DNAH11: variants seen among roughly 807,000 people sequenced by gnomAD.
DNAH11 encodes dynein axonemal heavy chain 11.
In DNAH11, 442 loss-of-function variants were observed where a neutral mutation model predicts 526.0. The observed-to-expected ratio is 0.84, with a 90% CI of 0.78 to 0.91. DNAH11 has a LOEUF of 0.91. Among genes scored for constraint, DNAH11 ranks in the 40% least tolerant of loss-of-function variants. DNAH11 has a pLI of 0.00. For synonymous variants in DNAH11, 2,461 were observed against 1,935.9 expected, an observed-to-expected ratio of 1.27 and a Z score of -7.12; for missense variants, 6,989 against 5,448.7, an observed-to-expected ratio of 1.28 and a Z score of -8.90.
intron 63 of DNAH11, among the ~76,000 whole-genome samples, chr7:21,813,592 G>A (rs1789628603): frequency 6.6e-6 from 1 of 152,136 alleles, no homozygotes; most frequent in African/African-American, 2.4e-5. Context: ...AGTTTTTAGA[G>A]GCCAGATGGG....
chr7:21,621,501 C>T lies in DNAH11; in HGVS notation c.4500+1423C>T, dbSNP rs1016413534. On this transcript the variant is annotated intron_variant, in intron 25 of 81. Transcript: ENST00000409508. Reference sequence around the variant, plus strand: ...GCCAGCATCATCCTGATACCAAAGCCGGGCAGAGACACAACCAAAAAAGAG... The same window carrying T: ...GCCAGCATCATCCTGATACCAAAGCTGGGCAGAGACACAACCAAAAAAGAG... Among the ~76,000 whole-genome samples, 29 of 152,162 alleles carry T rather than the reference C, an allele frequency of 1.9e-4. 1 individual carries two copies. The highest frequency in any genetic ancestry group is 6.8e-3 in the Middle Eastern group (2 of 294).
At chr7:21,585,351 AG>A (rs1784446813) in intron 9 of DNAH11, among the ~76,000 whole-genome samples, 1 of 152,152 alleles carries the variant, frequency 6.6e-6, no homozygotes, top group Non-Finnish European at 1.5e-5. Context: ...AAAAATTACA[AG>A]GCTGTGTACT....
intron 21 of DNAH11, 37 bp from the exon 22 acceptor site, chr7:21,616,172 A>G (rs1785772592): frequency 6.5e-7 from 1 of 1,533,674 alleles, no homozygotes; most frequent in Non-Finnish European, 9.0e-7. Flanking sequence ...CTTTCACCAA[A>G]TGTTGTTGAC....
rs770221913 is a variant in DNAH11, at chr7:21,543,324, C to G, written c.79C>G (p.Leu27Val). 2.5e-5 allele frequency: 39 copies of G among 1,550,566 alleles called. No individual in the cohort carries two copies. The highest frequency in any genetic ancestry group is 3.4e-5 in the Non-Finnish European group (39 of 1,146,704). Residue 27 changes from leucine to valine, a missense_variant, in exon 1 of 82, where the codon CTG becomes GTG. Coordinates refer to ENST00000409508, the MANE Select transcript of DNAH11 (RefSeq NM_001277115.2). ...CCTTCGCCTAACCTCGGGGGCCGGC[C>G]TGGAGGCAGTGGGCGCTGTGGAGCT... The part of the protein sequence containing the change: ...PTLRLTSGAG[L>V]EAVGAVELEE...
At chr7:21,752,759 C>G (rs1055704671) in intron 54 of DNAH11, among the ~76,000 whole-genome samples, 3 of 152,284 alleles carry the variant, frequency 2.0e-5, no homozygotes, top group Non-Finnish European at 4.4e-5. Context: ...GTTGCCCAGG[C>G]TGGAATGCAA....
intron 65 of DNAH11, among the ~76,000 whole-genome samples, chr7:21,835,652 A>G (rs1781964841): frequency 1.3e-5 from 2 of 152,150 alleles, no homozygotes; most frequent in Non-Finnish European, 2.9e-5. Context: ...CCCACAGCTA[A>G]CATATTAAAC....
At chr7:21,604,509 C>CTCACACCA (rs1235577321) in intron 18 of DNAH11, among the ~76,000 whole-genome samples, 28 of 152,130 alleles carry the variant, frequency 1.8e-4, no homozygotes, top group Non-Finnish European at 3.4e-4. Flanking sequence ...AGCTCACACA[C>CTCACACCA]TCACACCATC....
At chr7:21,683,972 A>C (rs1221077527) in intron 32 of DNAH11, 28 bp downstream of exon 32, 3 of 1,609,640 alleles carry the variant, frequency 1.9e-6, no homozygotes, top group Non-Finnish European at 2.5e-6. Flanking sequence ...CCGTCCAGAT[A>C]GGAAAAACAA....
At position 21,710,627 on chromosome 7, in the gene DNAH11, C is replaced by A. The variant is rs2079131321; in HGVS notation, c.6758C>A (p.Pro2253Gln). ...CAAGCAAATCTTAAGCATGATGGAC[C>A]AAAATGGATAGTCCTGGATGGCGAT... ...REQANLKHDG[P>Q]KWIVLDGDID... The change falls in exon 41 of 82, where the codon CCA becomes CAA. Residue 2253 changes from proline (P) to glutamine (Q), a missense_variant. Physicochemically the swap from Pro to Gln is moderately conservative, Grantham distance 76. Transcript: ENST00000409508. 3.7e-6 allele frequency: 6 copies of A among 1,613,194 alleles called. No individual in the cohort carries two copies. Among genetic ancestry groups the A allele is most frequent in the Non-Finnish European group, 4.2e-6 (5 of 1,179,522 alleles).
intron 67 of DNAH11, among the ~76,000 whole-genome samples, chr7:21,852,974 C>A (rs952314900): frequency 1.3e-5 from 2 of 152,200 alleles, no homozygotes; most frequent in Admixed American, 6.5e-5. Flanking sequence ...TCATATCCTA[C>A]AGTTTCTCTG....
At chr7:21,561,045 GTTC>G (rs770265656) in intron 4 of DNAH11, 23 bp from the exon 5 acceptor site, 44 of 1,478,384 alleles carry the variant, frequency 3.0e-5, no homozygotes, top group East Asian at 4.8e-5. Context: ...ATTTATTAAA[GTTC>G]TTCTTTTTTT....
At chr7:21,547,472 T>C (rs1782848291) in intron 2 of DNAH11, among the ~76,000 whole-genome samples, 1 of 152,228 alleles carries the variant, frequency 6.6e-6, no homozygotes, top group African/African-American at 2.4e-5. Context: ...CTTCCTAGCA[T>C]GTAAGCCCCT....
chr7:21,687,595 T>A (rs1783435874), intron 34 of DNAH11, 68 bp downstream of exon 34: 1 of 1,533,586 alleles, frequency 6.5e-7, no homozygotes, highest in Non-Finnish European at 8.8e-7. Flanking sequence ...TAACCTCCCC[T>A]TCACTGTCTA....
At chr7:21,872,231 G>T (rs1783531253) in intron 73 of DNAH11, among the ~76,000 whole-genome samples, 1 of 151,392 alleles carries the variant, frequency 6.6e-6, no homozygotes, top group Non-Finnish European at 1.5e-5. Context: ...AGATGCTGGG[G>T]GTTAAGACTT....
intron 55 of DNAH11, among the ~76,000 whole-genome samples, chr7:21,767,650 C>T (rs1358350293): frequency 6.6e-6 from 1 of 152,160 alleles, no homozygotes; most frequent in Non-Finnish European, 1.5e-5. Flanking sequence ...GATTTCATTT[C>T]AGTGCAAGCT....
intron 30 of DNAH11, among the ~76,000 whole-genome samples, chr7:21,671,268 A>G (rs1782632262): frequency 6.6e-6 from 1 of 152,230 alleles, no homozygotes; most frequent in Non-Finnish European, 1.5e-5. Context: ...GCAAATTACA[A>G]ACCTCTGGCC....
Position 21,637,640 on chromosome 7 carries a change from A to G in DNAH11, c.4755A>G (p.Glu1585=). The G allele has an allele frequency of 6.3e-7, 1 of 1,590,132 alleles. No individual in the cohort carries two copies. The part of the protein sequence containing the change: ...KELMFKTAKV[E]NVLEATCRPN... ...TAATGTTCAAGACAGCCAAAGTAGA[A>G]AATGTGTTAGAAGCAACGTGCAGAC... The change falls in exon 27 of 82, where the codon GAA becomes GAG. Residue 1585 remains glutamate (E), a synonymous_variant. Transcript: ENST00000409508.
chr7:21,563,611 C>T (rs1012325496), intron 5 of DNAH11, among the ~76,000 whole-genome samples: 2 of 152,124 alleles, frequency 1.3e-5, no homozygotes, highest in Admixed American at 6.6e-5. Flanking sequence ...AGTTTTAGTA[C>T]ATTCATGATG....
chr7:21,897,304 C>T (rs1784551219), intron 79 of DNAH11, among the ~76,000 whole-genome samples: 1 of 151,996 alleles, frequency 6.6e-6, no homozygotes, highest in African/African-American at 2.4e-5. Context: ...TTTTTCATGC[C>T]CTATACTCTT....
Sources: allele counts gnomAD v4.1 joint callset (sites outside exome capture counted in the v4.1 genomes callset), GRCh38; gene constraint gnomAD v4.1.1; transcripts MANE v1.5; gene names NCBI Gene and HGNC (gene_info 2026-07-23, HGNC 2026-07-21).